The following AAK1 variants were observed in gnomAD, a reference collection of about 807,000 sequenced individuals.
AAK1 encodes AP2-associated protein kinase 1.
In AAK1, 37 loss-of-function variants were observed where a neutral mutation model predicts 116.0. The ratio of observed to expected loss-of-function variants is 0.32; its 90% CI spans 0.25 to 0.42. The LOEUF is 0.42. Among genes scored for constraint, AAK1 ranks in the 10% least tolerant of loss-of-function variants. The pLI is 1.00. For missense variants in AAK1, 919 were observed against 1,170.6 expected (o/e 0.79, Z 3.14); for synonymous variants, 458 against 439.9 (o/e 1.04, Z -0.51).
At chr2:69,588,132 T>G (rs1480393702) in intron 2 of AAK1, among the ~76,000 whole-genome samples, 1 of 152,142 alleles carries the variant, frequency 6.6e-6, no homozygotes, top group African/African-American at 2.4e-5. Context: ...CAGCCAACAC[T>G]CCATAGTAAC....
intron 2 of AAK1, among the ~76,000 whole-genome samples, chr2:69,605,769 T>C (rs543327757): frequency 6.6e-6 from 1 of 152,366 alleles, no homozygotes; most frequent in East Asian, 1.9e-4. Context: ...AGATCCCTTA[T>C]GCTGCCTCTT....
intron 16 of AAK1, among the ~76,000 whole-genome samples, chr2:69,497,940 T>C (rs925132982): frequency 6.6e-6 from 1 of 152,096 alleles, no homozygotes; most frequent in Non-Finnish European, 1.5e-5. Context: ...TGTTCTTTTC[T>C]TCTCCCCTCA....
rs138248876 is a variant in AAK1, at chr2:69,545,012, C to T, written c.283-468G>A. 6.5e-4 allele frequency among the ~76,000 whole-genome samples: 99 copies of T among 151,174 alleles called. No individual in the cohort carries two copies. The South Asian group carries it at 6.7e-3, about 10-fold the overall frequency. Reference sequence around the variant, plus strand: ...TTAAATAGTTCGTACTGTTTTTTTCCTTTTGGGAAATCTACCAAAAAAAAA... The same window carrying T: ...TTAAATAGTTCGTACTGTTTTTTTCTTTTTGGGAAATCTACCAAAAAAAAA... On this transcript the variant is annotated intron_variant, in intron 3 of 21. Coordinates refer to ENST00000409085, the MANE Select transcript of AAK1 (RefSeq NM_014911.5).
intron 2 of AAK1, among the ~76,000 whole-genome samples, chr2:69,634,521 C>T (rs1675364253): frequency 6.6e-6 from 1 of 152,216 alleles, no homozygotes. Context: ...GTCTGAGATG[C>T]TATGGCAAAC....
At chr2:69,574,184 C>A (rs1275490485) in intron 2 of AAK1, among the ~76,000 whole-genome samples, 1 of 151,066 alleles carries the variant, frequency 6.6e-6, no homozygotes, top group Non-Finnish European at 1.5e-5. Flanking sequence ...ACAAGCCTGG[C>A]CAACAGTGAA....
At chr2:69,491,793 ATTG>A (rs1675532498) in intron 17 of AAK1, among the ~76,000 whole-genome samples, 1 of 152,206 alleles carries the variant, frequency 6.6e-6, no homozygotes, top group Non-Finnish European at 1.5e-5. Context: ...AGGTTTTAGT[ATTG>A]CCAATTTTAA....
At position 69,637,267 on chromosome 2, in the gene AAK1, A is replaced by G. The variant is rs1675488156; in HGVS notation, c.163+5611T>C. Among the ~76,000 whole-genome samples the G allele has an allele frequency of 2.0e-5, 3 of 152,136 alleles. No homozygotes were observed. In the South Asian group the frequency reaches 6.2e-4, roughly 32 times the overall value. ...TTTCCCTGACTACTCCCCAACCCAC[A>G]AAATTGTTGCCTTGGGTCTGTTCCC... On this transcript the variant is annotated intron_variant, in intron 2 of 21. Coordinates refer to ENST00000409085, the MANE Select transcript of AAK1 (RefSeq NM_014911.5).
At chr2:69,486,861 C>G (rs1474964829) in intron 17 of AAK1, among the ~76,000 whole-genome samples, 1 of 152,128 alleles carries the variant, frequency 6.6e-6, no homozygotes, top group African/African-American at 2.4e-5. Flanking sequence ...TGCCTATCTC[C>G]ATCAATATAG....
At chr2:69,539,475 A>G (rs1350289871) in intron 5 of AAK1, among the ~76,000 whole-genome samples, 1 of 152,008 alleles carries the variant, frequency 6.6e-6, no homozygotes, top group Non-Finnish European at 1.5e-5. Flanking sequence ...CACCAGCCAC[A>G]TTTCTCCCCT....
At chr2:69,583,506 T>G (rs147593599) in intron 2 of AAK1, among the ~76,000 whole-genome samples, 5 of 152,340 alleles carry the variant, frequency 3.3e-5, no homozygotes, top group African/African-American at 1.2e-4. Flanking sequence ...TTAAAGATTC[T>G]CTGAAAGAGT....
chr2:69,611,223 G>C (rs1164335387), intron 2 of AAK1, among the ~76,000 whole-genome samples: 1 of 152,346 alleles, frequency 6.6e-6, no homozygotes, highest in Admixed American at 6.5e-5. Flanking sequence ...CTAGAACAAA[G>C]TAGGCAGAAG....
chr2:69,556,403 C>T (rs573996224), intron 3 of AAK1, among the ~76,000 whole-genome samples: 5 of 152,030 alleles, frequency 3.3e-5, no homozygotes, highest in South Asian at 4.1e-4. Context: ...CATTCCAGGT[C>T]GAAAGAACTA....
chr2:69,622,390 C>G (rs552742046), intron 2 of AAK1, among the ~76,000 whole-genome samples: 10 of 152,292 alleles, frequency 6.6e-5, no homozygotes, highest in Non-Finnish European at 7.4e-5. Flanking sequence ...CCACAGCGCC[C>G]GGTCCCATCA....
At chr2:69,591,519 T>TTC (rs1673027144) in intron 2 of AAK1, among the ~76,000 whole-genome samples, 1 of 136,294 alleles carries the variant, frequency 7.3e-6, no homozygotes, top group South Asian at 2.5e-4. Context: ...CTTTTTTTCT[T>TTC]TTTCTTTTTT....
At position 69,475,115 on chromosome 2, in the gene AAK1, T is replaced by C; in HGVS notation, c.*754A>G. ...ACTTGGGATTTATATAACGTACACA[T>C]TGTATCCAAGGATCTCAAATACTTG... On this transcript the variant is annotated 3_prime_UTR_variant, in exon 22 of 22. Coordinates refer to ENST00000409085, the MANE Select transcript of AAK1 (RefSeq NM_014911.5). 6.1e-6 allele frequency: 6 copies of C among 985,814 alleles called. No individual in the cohort carries two copies. The highest frequency in any genetic ancestry group is 7.2e-6 in the Non-Finnish European group (6 of 829,910). 61.1% of individuals were successfully genotyped at this position (985,814 alleles called of 1,614,324 possible).
At chr2:69,611,175 A>C (rs1674060987) in intron 2 of AAK1, among the ~76,000 whole-genome samples, 1 of 152,214 alleles carries the variant, frequency 6.6e-6, no homozygotes, top group Non-Finnish European at 1.5e-5. Context: ...ACCCACCCTC[A>C]ATGTGGGTGG....
At chr2:69,509,492 T>TA in intron 13 of AAK1, 32 bp from the exon 14 acceptor site, 2 of 1,535,464 alleles carry the variant, frequency 1.3e-6, no homozygotes, top group South Asian at 1.2e-5. Context: ...AGTGTTTCAT[T>TA]AAATTAAAAA....
chr2:69,513,118 A>C (rs1676453420), intron 13 of AAK1, among the ~76,000 whole-genome samples: 1 of 152,188 alleles, frequency 6.6e-6, no homozygotes, highest in Non-Finnish European at 1.5e-5. Flanking sequence ...ACCTCTTGTT[A>C]AAAATACAGA....
In AAK1 at chr2:69,621,696, G is replaced by A. The variant is rs146999654; in HGVS notation, c.163+21182C>T. On this transcript the variant is annotated intron_variant, in intron 2 of 21. Transcript: ENST00000409085. ...CCAAGCACACTGCAAACTGATCATG[G>A]CCAACTACGAACACGCTGCCTCCTC... 8.0e-3 allele frequency among the ~76,000 whole-genome samples: 1,213 copies of A among 152,298 alleles called. 10 individuals carry two copies. The highest frequency in any genetic ancestry group is 0.028 in the African/African-American group (1,162 of 41,544).
Sources: allele counts gnomAD v4.1 joint callset (sites outside exome capture counted in the v4.1 genomes callset), GRCh38; gene constraint gnomAD v4.1.1; transcripts MANE v1.5; gene names NCBI Gene and HGNC (gene_info 2026-07-23, HGNC 2026-07-21).